The following DHRSX variants were observed in gnomAD, a reference collection of about 807,000 sequenced individuals.
DHRSX encodes the protein polyprenol dehydrogenase.
Under a neutral mutation model 34.0 loss-of-function variants are expected in DHRSX, and 31 were observed. The ratio of observed to expected loss-of-function variants is 0.91; its 90% CI spans 0.69 to 1.23. DHRSX has a LOEUF of 1.23. DHRSX is among the 50% of genes most tolerant of loss of function. DHRSX has a pLI of 0.00. For synonymous variants in DHRSX, 201 were observed against 183.8 expected, an observed-to-expected ratio of 1.09 and a Z score of -0.76; for missense variants, 414 against 428.1, an observed-to-expected ratio of 0.97 and a Z score of 0.29.
At chrX:2,465,256 C>A (rs2044475001) in intron 1 of DHRSX, among the ~76,000 whole-genome samples, 1 of 152,168 alleles carries the variant, frequency 6.6e-6, no homozygotes, top group Admixed American at 6.5e-5. Flanking sequence ...CTTCAGGGCG[C>A]CTCCATGACT....
chrX:2,367,297 G>A (rs1231006837), intron 3 of DHRSX, among the ~76,000 whole-genome samples: 2 of 151,910 alleles, frequency 1.3e-5, no homozygotes, highest in African/African-American at 2.4e-5. Flanking sequence ...AATTAGCCAC[G>A]CGTGGTGGTA....
intron 3 of DHRSX, among the ~76,000 whole-genome samples, chrX:2,325,933 A>G (rs1226382919): frequency 6.6e-6 from 1 of 152,110 alleles, no homozygotes; most frequent in Admixed American, 6.6e-5. Context: ...CCAATGACGA[A>G]CCCCAGGGTA....
At chrX:2,285,017 A>G (rs1226959078) in intron 4 of DHRSX, among the ~76,000 whole-genome samples, 1 of 152,148 alleles carries the variant, frequency 6.6e-6, no homozygotes, top group Non-Finnish European at 1.5e-5. Context: ...GTTGACTAGC[A>G]GGAGTTTTGG....
At chrX:2,233,560 C>A (rs944909354) in intron 6 of DHRSX, among the ~76,000 whole-genome samples, 8 of 152,098 alleles carry the variant, frequency 5.3e-5, no homozygotes, top group African/African-American at 1.9e-4. Flanking sequence ...AAATCTGCAT[C>A]AAGCCACTCT....
rs997986324 is a variant in DHRSX at position 2,246,706 on chromosome X, GAGAAAGAAAGAA to G, written c.597-3488_597-3477del. 1.7e-3 allele frequency among the ~76,000 whole-genome samples: 178 copies of G among 107,504 alleles called. 1 individual carries two copies. The highest frequency in any genetic ancestry group is 0.013 in the Middle Eastern group (3 of 232). The allele number at this position is 107,504 out of a possible 152,430, so 70.5% of individuals were successfully genotyped here. ...AGAAAAAGAAAAGAAAAGAAAGAAAGAGAAAGAAAGAAAGAAAGAAAGAAAGAAAGAAAGAAA... is the reference window on the plus strand; with the variant it reads ...AGAAAAAGAAAAGAAAAGAAAGAAAGAGAAAGAAAGAAAGAAAGAAAGAAA... On this transcript the variant is annotated intron_variant, in intron 5 of 6. Coordinates refer to ENST00000334651, the MANE Select transcript of DHRSX (RefSeq NM_145177.3).
chrX:2,300,181 T>C (rs1005919966), intron 3 of DHRSX, among the ~76,000 whole-genome samples: 2 of 152,186 alleles, frequency 1.3e-5, no homozygotes, highest in Non-Finnish European at 2.9e-5. Flanking sequence ...TTTGGAGGAA[T>C]TGAATAGTGC....
intron 3 of DHRSX, among the ~76,000 whole-genome samples, chrX:2,396,373 TTC>T (rs2043409275): frequency 9.6e-6 from 1 of 104,498 alleles, no homozygotes; most frequent in Non-Finnish European, 2.0e-5. Flanking sequence ...TTCTTTCTTT[TTC>T]TTTTTTTTTT....
rs1329176208 is a variant in DHRSX, at chrX:2,427,191, C to T, written c.110-1887G>A. 3.9e-5 allele frequency among the ~76,000 whole-genome samples: 6 copies of T among 152,118 alleles called. No individual in the cohort carries two copies. In the East Asian group the frequency reaches 5.8e-4, roughly 15 times the overall value. On this transcript the variant is annotated intron_variant, in intron 1 of 6. Coordinates refer to ENST00000334651, the MANE Select transcript of DHRSX (RefSeq NM_145177.3). ...AGGGGCTCCTGAGCTGATGTTGTGA[C>T]GGTGAGAGCAAAAGTCTAGCAGGCC...
At chrX:2,246,717 AAAG>A (rs1164529837) in intron 5 of DHRSX, among the ~76,000 whole-genome samples, 1 of 108,340 alleles carries the variant, frequency 9.2e-6, no homozygotes, top group Non-Finnish European at 2.3e-5. Context: ...AGAAAGAAAG[AAAG>A]AAAGAAAGAA....
At chrX:2,352,235 C>T (rs2042797196) in intron 3 of DHRSX, among the ~76,000 whole-genome samples, 1 of 152,046 alleles carries the variant, frequency 6.6e-6, no homozygotes, top group African/African-American at 2.4e-5. Flanking sequence ...AATGGTATCC[C>T]AAGATGTTCA....
chrX:2,381,797 CAAAAAA>C lies in DHRSX; in HGVS notation c.286+26942_286+26947del, dbSNP rs767319246. On this transcript the variant is annotated intron_variant, in intron 3 of 6. Coordinates refer to ENST00000334651, the MANE Select transcript of DHRSX (RefSeq NM_145177.3). ...ATCCCCGTTCTCAGGAAGCCACAAC[CAAAAAA>C]AAAAAAAAAAAAAAAAAGCCAGCAA... Among the ~76,000 whole-genome samples the C allele has an allele frequency of 2.9e-4, 24 of 81,610 alleles. 1 individual carries two copies. Among genetic ancestry groups the C allele is most frequent in the Admixed American group, 2.7e-3 (16 of 5,906 alleles). 53.5% of individuals were successfully genotyped at this position (81,610 alleles called of 152,430 possible).
intron 3 of DHRSX, among the ~76,000 whole-genome samples, chrX:2,374,302 C>T (rs1404786537): frequency 6.6e-6 from 1 of 152,152 alleles, no homozygotes; most frequent in East Asian, 1.9e-4. Context: ...AAAACAAAGG[C>T]TTCTCAAAAC....
chrX:2,416,191 T>C (rs1363858094), intron 2 of DHRSX, among the ~76,000 whole-genome samples: 5 of 151,960 alleles, frequency 3.3e-5, no homozygotes, highest in Non-Finnish European at 7.4e-5. Flanking sequence ...GTCCTCATTA[T>C]AGCCTAACTA....
intron 1 of DHRSX, among the ~76,000 whole-genome samples, chrX:2,436,488 TTATTATTATTAC>T (rs1187739702): frequency 0.019 from 2,600 of 137,736 alleles, 50 homozygotes; most frequent in Middle Eastern, 0.044. Context: ...ATTATTATTA[TTATTATTATTAC>T]TACTACTACT....
At chrX:2,228,926 T>C (rs1266282972) in intron 6 of DHRSX, among the ~76,000 whole-genome samples, 1 of 152,084 alleles carries the variant, frequency 6.6e-6, no homozygotes, top group African/African-American at 2.4e-5. Context: ...CTGTGCTGTC[T>C]GCAAGGAAAC....
intron 3 of DHRSX, among the ~76,000 whole-genome samples, chrX:2,303,674 GC>G (rs2042041994): frequency 6.6e-6 from 1 of 152,166 alleles, no homozygotes; most frequent in Non-Finnish European, 1.5e-5. Flanking sequence ...ATGGATGCAT[GC>G]ATGGACGGAT....
At chrX:2,291,818 A>T (rs1815803456) in intron 3 of DHRSX, among the ~76,000 whole-genome samples, 1 of 150,556 alleles carries the variant, frequency 6.6e-6, no homozygotes, top group South Asian at 2.1e-4. Context: ...GGTTCCAGTG[A>T]TTCTCCTGCC....
At chrX:2,411,336 G>T (rs1309908605) in intron 2 of DHRSX, among the ~76,000 whole-genome samples, 1 of 151,942 alleles carries the variant, frequency 6.6e-6, no homozygotes, top group Admixed American at 6.6e-5. Context: ...GGATCACGAG[G>T]TCAGGAGTTC....
intron 1 of DHRSX, among the ~76,000 whole-genome samples, chrX:2,437,134 A>T (rs902498557): frequency 1.6e-4 from 24 of 152,014 alleles, no homozygotes; most frequent in African/African-American, 5.6e-4. Flanking sequence ...AGTAGCTGGG[A>T]TTACAGGTGC....
Sources: gnomAD v4.1 joint callset for allele counts (sites outside exome capture counted in the v4.1 genomes callset) on GRCh38, gnomAD v4.1.1 for gene constraint, MANE v1.5 for transcripts, NCBI Gene and HGNC (gene_info 2026-07-23, HGNC 2026-07-21) for gene names.